The following SGCZ variants were observed in gnomAD, a reference collection of about 807,000 sequenced individuals.
SGCZ encodes the protein sarcoglycan zeta, also known as zeta-sarcoglycan.
SGCZ carries 40 observed loss-of-function variants against 41.3 expected under a neutral mutation model. That is an observed-to-expected ratio of 0.97 (90% CI 0.75 to 1.26). The LOEUF is 1.26. Ranked by LOEUF, SGCZ falls within the 50% of genes most tolerant of loss-of-function variation. SGCZ has a pLI of 0.00. For missense variants in SGCZ, 552 were observed against 369.8 expected (o/e 1.49, Z -4.04); for synonymous variants, 206 against 137.5 (o/e 1.50, Z -3.49).
intron 4 of SGCZ, among the ~76,000 whole-genome samples, chr8:14,230,502 C>T (rs1160846787): frequency 2.6e-5 from 4 of 152,036 alleles, no homozygotes; most frequent in Admixed American, 6.6e-5. Context: ...GGTCACATAG[C>T]GGGCAGTTGA....
chr8:14,795,398 T>A (rs1244691298), intron 1 of SGCZ, among the ~76,000 whole-genome samples: 1 of 151,926 alleles, frequency 6.6e-6, no homozygotes, highest in Non-Finnish European at 1.5e-5. Flanking sequence ...AATACACTTA[T>A]CACCTGAGTA....
At chr8:14,187,311 G>C (rs986650238) in intron 4 of SGCZ, among the ~76,000 whole-genome samples, 3 of 152,130 alleles carry the variant, frequency 2.0e-5, no homozygotes, top group Non-Finnish European at 2.9e-5. Flanking sequence ...TGAGATAAAT[G>C]TTTTAAAAAC....
At chr8:14,554,079 T>A (rs1803956840) in intron 2 of SGCZ, among the ~76,000 whole-genome samples, 1 of 152,072 alleles carries the variant, frequency 6.6e-6, no homozygotes, top group Non-Finnish European at 1.5e-5. Context: ...AAACATTCAG[T>A]AAACTGCAGC....
In SGCZ at chr8:15,045,422, A is replaced by C. The variant is rs1419600257; in HGVS notation, c.39+192163T>G. Among the ~76,000 whole-genome samples the C allele has an allele frequency of 3.3e-5, 5 of 152,042 alleles. No individual in the cohort carries two copies. In the East Asian group the frequency reaches 9.6e-4, roughly 29 times the overall value. Reference sequence around the variant, plus strand: ...AAGGCAAATGGATATGACTCCACAAATCTCCATATTTTTAGACCTGAGTTA... The same window carrying C: ...AAGGCAAATGGATATGACTCCACAACTCTCCATATTTTTAGACCTGAGTTA... On this transcript the variant is annotated intron_variant, in intron 1 of 7. Coordinates refer to ENST00000382080, the MANE Select transcript of SGCZ (RefSeq NM_139167.4).
chr8:14,758,568 T>C (rs890653096), intron 1 of SGCZ, among the ~76,000 whole-genome samples: 1 of 152,216 alleles, frequency 6.6e-6, no homozygotes, highest in Non-Finnish European at 1.5e-5. Context: ...ATATTAAAAA[T>C]TCAGTGCCTT....
intron 1 of SGCZ, among the ~76,000 whole-genome samples, chr8:14,820,940 A>C (rs1178274565): frequency 1.3e-5 from 2 of 151,724 alleles, no homozygotes; most frequent in Non-Finnish European, 2.9e-5. Flanking sequence ...AACACTAGAA[A>C]AAACTAAACT....
chr8:14,297,994 A>G (rs1319210166), intron 3 of SGCZ, among the ~76,000 whole-genome samples: 1 of 152,042 alleles, frequency 6.6e-6, no homozygotes, highest in East Asian at 1.9e-4. Flanking sequence ...CCCTAGCAAT[A>G]AATAAGAAGT....
At chr8:14,568,334 G>T (rs1345377307) in intron 1 of SGCZ, among the ~76,000 whole-genome samples, 1 of 149,816 alleles carries the variant, frequency 6.7e-6, no homozygotes, top group Non-Finnish European at 1.5e-5. Context: ...AACCACCATG[G>T]CACATGTATA....
rs146047662 is a variant in SGCZ, at chr8:14,722,233, A to C, written c.40-167307T>G. Among the ~76,000 whole-genome samples the C allele has an allele frequency of 9.3e-3, 1,414 of 152,230 alleles. 17 individuals carry two copies. The highest frequency in any genetic ancestry group is 0.031 in the Middle Eastern group (9 of 294). The stretch of plus-strand genomic sequence containing the variant: ...TGAGGGCATATATTTATGTTTATTT[A>C]GTTAACCAATATTAAATCTAGCATC... On this transcript the variant is annotated intron_variant, in intron 1 of 7. Coordinates refer to ENST00000382080, the MANE Select transcript of SGCZ (RefSeq NM_139167.4).
chr8:14,843,976 C>G (rs1253112455), intron 1 of SGCZ, among the ~76,000 whole-genome samples: 1 of 151,316 alleles, frequency 6.6e-6, no homozygotes, highest in East Asian at 1.9e-4. Context: ...CATGGGGAAG[C>G]TATGTTTTGT....
intron 1 of SGCZ, among the ~76,000 whole-genome samples, chr8:14,674,292 T>C (rs1486811773): frequency 1.3e-5 from 2 of 152,144 alleles, no homozygotes; most frequent in African/African-American, 4.8e-5. Flanking sequence ...CAAGTTTGTT[T>C]AAGGAAACTA....
chr8:14,481,853 A>G (rs1487515564), intron 2 of SGCZ, among the ~76,000 whole-genome samples: 1 of 152,172 alleles, frequency 6.6e-6, no homozygotes, highest in African/African-American at 2.4e-5. Context: ...AAACTATATG[A>G]AACAATCATT....
At chr8:14,466,683 C>A (rs7016319) in intron 2 of SGCZ, among the ~76,000 whole-genome samples, 13,176 of 151,682 alleles carry the variant, frequency 0.087, 1,130 homozygotes, top group African/African-American at 0.23. Context: ...ATAATTTCCA[C>A]TGTCCTGTCT....
At chr8:14,579,248 T>G (rs1224318671) in intron 1 of SGCZ, among the ~76,000 whole-genome samples, 1 of 152,186 alleles carries the variant, frequency 6.6e-6, no homozygotes, top group African/African-American at 2.4e-5. Context: ...AATCAGTTAC[T>G]CTATCAAGAT....
intron 4 of SGCZ, among the ~76,000 whole-genome samples, chr8:14,206,652 C>A (rs1319245557): frequency 6.6e-6 from 1 of 152,112 alleles, no homozygotes; most frequent in Non-Finnish European, 1.5e-5. Flanking sequence ...TCACTAGAAA[C>A]AGATTTATTC....
At chr8:14,667,724 T>G (rs565059565) in intron 1 of SGCZ, among the ~76,000 whole-genome samples, 36 of 152,294 alleles carry the variant, frequency 2.4e-4, no homozygotes, top group Middle Eastern at 3.4e-3. Context: ...TTCATGATGC[T>G]TAGGGCATTG....
At chr8:15,071,346 C>G (rs1021860553) in intron 1 of SGCZ, among the ~76,000 whole-genome samples, 1 of 152,196 alleles carries the variant, frequency 6.6e-6, no homozygotes, top group East Asian at 1.9e-4. Flanking sequence ...AGCTAGATTT[C>G]TTTGATAAAT....
chr8:14,970,066 T>C (rs1801241522), intron 1 of SGCZ, among the ~76,000 whole-genome samples: 1 of 152,154 alleles, frequency 6.6e-6, no homozygotes, highest in Admixed American at 6.5e-5. Context: ...TTAATTATAG[T>C]CATTCTCACT....
At chr8:15,142,312 T>C (rs996402761) in intron 1 of SGCZ, among the ~76,000 whole-genome samples, 1 of 152,158 alleles carries the variant, frequency 6.6e-6, no homozygotes, top group East Asian at 1.9e-4. Context: ...AGAAGTTATG[T>C]TGTTTCAACA....
Sources: gnomAD v4.1 joint callset for allele counts (sites outside exome capture counted in the v4.1 genomes callset) on GRCh38, gnomAD v4.1.1 for gene constraint, MANE v1.5 for transcripts, NCBI Gene and HGNC (gene_info 2026-07-23, HGNC 2026-07-21) for gene names.